ADGRE1: variants seen among roughly 807,000 people sequenced by gnomAD.
ADGRE1 encodes adhesion G protein-coupled receptor E1, also known as EGF-like module receptor 1.
ADGRE1 carries 82 observed loss-of-function variants against 102.7 expected under a neutral mutation model. That is an observed-to-expected ratio of 0.80 (90% CI 0.67 to 0.96). ADGRE1 has a LOEUF of 0.96. ADGRE1 is among the 40% of genes least tolerant of loss of function. The pLI is 0.00. For missense variants in ADGRE1, 1,032 were observed against 1,085.3 expected (o/e 0.95, Z 0.69); for synonymous variants, 398 against 399.6 (o/e 1.00, Z 0.05).
Position 6,897,224 on chromosome 19 carries a change from A to G in ADGRE1, c.314A>G (p.Lys105Arg). The G allele has an allele frequency of 6.2e-7, 1 of 1,613,780 alleles. No homozygotes were observed. Among genetic ancestry groups the G allele is most frequent in the South Asian group, 1.1e-5 (1 of 91,058 alleles). ...TGCAAAAACCTGTCAGGGAGGTACA[A>G]GTGCAGCTGTTTAGATGGTTTCTCT... ...SSCKNLSGRY[K>R]CSCLDGFSSP... Residue 105 changes from lysine (K) to arginine (R), a missense_variant, in exon 4 of 21, where the codon AAG becomes AGG. Lys to Arg is a conservative substitution (Grantham distance 26). Coordinates refer to ENST00000312053, the MANE Select transcript of ADGRE1 (RefSeq NM_001974.5).
At chr19:6,896,570 G>A (rs900139735) in intron 3 of ADGRE1, 29 bp downstream of exon 3, 1 of 1,603,608 alleles carries the variant, frequency 6.2e-7, no homozygotes, top group Non-Finnish European at 8.5e-7. Context: ...AAACCATCCA[G>A]CATTTGGTAG....
At chr19:6,937,496 G>C (rs1234831116) in intron 19 of ADGRE1, 48 bp from the exon 20 acceptor site, 6 of 1,566,558 alleles carry the variant, frequency 3.8e-6, no homozygotes, top group Admixed American at 1.8e-5. Context: ...CAACATCCCT[G>C]TCACTGGACC....
chr19:6,902,124 C>T, intron 6 of ADGRE1, 103 bp downstream of exon 6: 1 of 1,418,602 alleles, frequency 7.0e-7, no homozygotes, highest in Non-Finnish European at 9.7e-7. Flanking sequence ...CTTTCATCTG[C>T]AAATCTGAAG....
chr19:6,906,838 C>T (rs1011889379), intron 9 of ADGRE1, among the ~76,000 whole-genome samples: 4 of 151,420 alleles, frequency 2.6e-5, no homozygotes, highest in South Asian at 2.1e-4. Flanking sequence ...TCTCTTTAAG[C>T]GTATGACCCA....
rs1568368037 is a variant in ADGRE1, at chr19:6,937,647, CGGTGAGA to C, written c.2655+1_2655+7del. On this transcript the variant is annotated splice_donor_variant and splice_donor_5th_base_variant and coding_sequence_variant and intron_variant, in exon 20 of 21. Transcript: ENST00000312053. LOFTEE classifies it high-confidence loss of function. Reference sequence around the variant, plus strand: ...TCCTCCATGCCATCCGCTTCCAAGACGGTGAGAGACTGCATGCTCCCTGCAGGTGCTG... The same window carrying C: ...TCCTCCATGCCATCCGCTTCCAAGACGACTGCATGCTCCCTGCAGGTGCTG... 6.2e-7 allele frequency: 1 copy of C among 1,613,902 alleles called. No homozygotes were observed. Among genetic ancestry groups the C allele is most frequent in the Admixed American group, 1.7e-5 (1 of 60,006 alleles).
chr19:6,929,124 T>C (rs1975038704), intron 17 of ADGRE1, among the ~76,000 whole-genome samples: 1 of 152,138 alleles, frequency 6.6e-6, no homozygotes, highest in African/African-American at 2.4e-5. Context: ...TGTCATTGTC[T>C]GGGGGTAATA....
At position 6,940,300 on chromosome 19, in the gene ADGRE1, T is replaced by C. The variant is rs1975619049; in HGVS notation, c.*271T>C. 1.8e-6 allele frequency: 1 copy of C among 551,086 alleles called. No individual in the cohort carries two copies. 34.1% of individuals were successfully genotyped at this position (551,086 alleles called of 1,614,324 possible). On this transcript the variant is annotated 3_prime_UTR_variant, in exon 21 of 21. Transcript: ENST00000312053. ...TTTCTGAGAACAGACCCAAATTCAATGGCATGACCAAGAACACCTGGCTAC... is the reference window on the plus strand; with the variant it reads ...TTTCTGAGAACAGACCCAAATTCAACGGCATGACCAAGAACACCTGGCTAC...
At chr19:6,936,630 T>G (rs922044432) in intron 18 of ADGRE1, among the ~76,000 whole-genome samples, 7 of 150,572 alleles carry the variant, frequency 4.6e-5, no homozygotes, top group East Asian at 1.9e-4. Flanking sequence ...ATCCTTGTTT[T>G]TTTTTTTTTT....
chr19:6,901,270 C>T (rs1416957969), intron 5 of ADGRE1, among the ~76,000 whole-genome samples: 1 of 152,184 alleles, frequency 6.6e-6, no homozygotes, highest in Non-Finnish European at 1.5e-5. Context: ...GGGAATGGGT[C>T]TCACATGTCT....
In ADGRE1 at chr19:6,925,015, C is replaced by T. The variant is rs544569404; in HGVS notation, c.1986+143C>T. Reference sequence around the variant, plus strand: ...TGCCCTCTGCCTGTAACACTCACTTCCCAGCTTCTTACCTGCTTGACTCCT... The same window carrying T: ...TGCCCTCTGCCTGTAACACTCACTTTCCAGCTTCTTACCTGCTTGACTCCT... On this transcript the variant is annotated intron_variant, in intron 15 of 20. Coordinates refer to ENST00000312053, the MANE Select transcript of ADGRE1 (RefSeq NM_001974.5). 506 of 757,716 alleles carry T rather than the reference C, an allele frequency of 6.7e-4. 8 individuals carry two copies. The South Asian group carries it at 9.1e-3, about 14-fold the overall frequency. 46.9% of individuals were successfully genotyped at this position (757,716 alleles called of 1,614,324 possible). A position where few individuals can be genotyped will look rare whatever the true frequency, so the allele number is the denominator to read the frequency against.
At chr19:6,939,940 T>C in intron 20 of ADGRE1, 84 bp from the exon 21 acceptor site, 2 of 1,420,012 alleles carry the variant, frequency 1.4e-6, no homozygotes, top group South Asian at 2.3e-5. Context: ...TTTTAATACT[T>C]CTGTCCCTGT....
intron 16 of ADGRE1, among the ~76,000 whole-genome samples, chr19:6,927,261 C>T (rs1319171418): frequency 2.8e-5 from 4 of 140,828 alleles, no homozygotes; most frequent in Admixed American, 1.4e-4. Flanking sequence ...TCCCTCCCTC[C>T]CTTCCTTCCT....
chr19:6,924,748 T>C lies in ADGRE1; in HGVS notation c.1862T>C (p.Ile621Thr). ...TCCTTGGTGTGCCTCGTCTTGGCCATCGCCACCTTTCTGCTGTGTCGCTCC... is the reference window on the plus strand; with the variant it reads ...TCCTTGGTGTGCCTCGTCTTGGCCACCGCCACCTTTCTGCTGTGTCGCTCC... The part of the protein sequence containing the change: ...IISLVCLVLA[I>T]ATFLLCRSIR... Residue 621 changes from isoleucine (I) to threonine (T), a missense_variant, in exon 15 of 21, where the codon ATC (isoleucine) becomes ACC (threonine). Transcript: ENST00000312053. 1 of 1,614,198 alleles carries C rather than the reference T, an allele frequency of 6.2e-7. No homozygotes were observed.
Position 6,908,937 on chromosome 19 carries a change from C to T in ADGRE1, c.1122+165C>T, listed in dbSNP as rs1974072419. Among the ~76,000 whole-genome samples, 4 of 152,028 alleles carry T rather than the reference C, an allele frequency of 2.6e-5. No homozygotes were observed. The South Asian group carries it at 8.3e-4, about 32-fold the overall frequency. On this transcript the variant is annotated intron_variant, in intron 10 of 20. Coordinates refer to ENST00000312053, the MANE Select transcript of ADGRE1 (RefSeq NM_001974.5). ...TCACTTGAGGTCAGGAGTTCAAGAC[C>T]AGCCTAGCCAACATGATGAAACCCT...
chr19:6,926,068 C>T (rs1974892196), intron 15 of ADGRE1, among the ~76,000 whole-genome samples: 1 of 152,146 alleles, frequency 6.6e-6, no homozygotes, highest in Non-Finnish European at 1.5e-5. Flanking sequence ...CTGTTTTCAA[C>T]CATTCCCTAA....
chr19:6,911,384 A>AT (rs1974168471), intron 10 of ADGRE1, among the ~76,000 whole-genome samples: 3 of 34,766 alleles, frequency 8.6e-5, no homozygotes, highest in Admixed American at 3.0e-4. Flanking sequence ...GATTCCTTTT[A>AT]GTTTTTTTTT....
intron 2 of ADGRE1, among the ~76,000 whole-genome samples, chr19:6,893,366 T>G (rs578187367): frequency 5.9e-5 from 9 of 151,918 alleles, no homozygotes; most frequent in African/African-American, 2.2e-4. Context: ...CCTGGCTAAT[T>G]TTTTTTTATT....
chr19:6,935,974 G>C (rs1249433324), intron 18 of ADGRE1, among the ~76,000 whole-genome samples: 1 of 152,084 alleles, frequency 6.6e-6, no homozygotes, highest in Non-Finnish European at 1.5e-5. Context: ...TATTTTTACA[G>C]GTCAATTGTG....
rs368500182 is a variant in ADGRE1 at position 6,922,753 on chromosome 19, G to A, written c.1791+870G>A. Reference sequence around the variant, plus strand: ...CCTTGGTAAATGAGTAGATTTGGAAGAGAGGAAGGACATCCTCATTAGTGT... The same window carrying A: ...CCTTGGTAAATGAGTAGATTTGGAAAAGAGGAAGGACATCCTCATTAGTGT... On this transcript the variant is annotated intron_variant, in intron 14 of 20. Transcript: ENST00000312053. 7.0e-4 allele frequency among the ~76,000 whole-genome samples: 107 copies of A among 152,258 alleles called. 1 individual carries two copies. The South Asian group carries it at 0.018, about 26-fold the overall frequency.
Sources: gnomAD v4.1 joint callset for allele counts (sites outside exome capture counted in the v4.1 genomes callset) on GRCh38, gnomAD v4.1.1 for gene constraint, MANE v1.5 for transcripts, NCBI Gene and HGNC (gene_info 2026-07-23, HGNC 2026-07-21) for gene names.